The following KLF12 variants were observed in gnomAD, a reference collection of about 807,000 sequenced individuals.
The protein encoded by KLF12 is Krueppel-like factor 12.
A neutral mutation model predicts 37.8 loss-of-function variants in KLF12; 9 were observed. The ratio of observed to expected loss-of-function variants is 0.24; its 90% CI spans 0.14 to 0.42. KLF12 has a LOEUF of 0.42. KLF12 is among the 10% of genes least tolerant of loss of function. KLF12 has a pLI of 1.00. For missense variants in KLF12, 411 were observed against 516.0 expected (o/e 0.80, Z 1.97); for synonymous variants, 208 against 202.1 (o/e 1.03, Z -0.25).
Position 73,921,143 on chromosome 13 carries a change from A to G in KLF12, c.123+22838T>C, listed in dbSNP as rs772958447. 1.1e-3 allele frequency among the ~76,000 whole-genome samples: 166 copies of G among 152,156 alleles called. 1 individual carries two copies. The highest frequency in any genetic ancestry group is 2.2e-3 in the Non-Finnish European group (152 of 68,012). On this transcript the variant is annotated intron_variant, in intron 3 of 7. Transcript: ENST00000377669. ...ATTCACTCTTCCTCTAAAATTGCCT[A>G]CATCCCCCCACTTCCCTCCCTTCTA...
At chr13:73,920,281 A>G (rs1029421495) in intron 3 of KLF12, among the ~76,000 whole-genome samples, 1 of 152,322 alleles carries the variant, frequency 6.6e-6, no homozygotes, top group East Asian at 1.9e-4. Context: ...ACACATATGT[A>G]TAACTATGTA....
intron 3 of KLF12, among the ~76,000 whole-genome samples, chr13:73,877,420 G>T (rs1886764837): frequency 1.3e-5 from 2 of 152,124 alleles, no homozygotes; most frequent in Non-Finnish European, 1.5e-5. Context: ...TTAGCTGAAT[G>T]CTTTAGAATT....
chr13:74,207,928 A>T, the KLF12 span, among the ~76,000 whole-genome samples: 2 of 152,208 alleles, frequency 1.3e-5, no homozygotes, highest in African/African-American at 2.4e-5. Flanking sequence ...ACAAGTAATT[A>T]AGTGAATTGT....
intron 1 of KLF12, among the ~76,000 whole-genome samples, chr13:74,082,234 G>A (rs1874958532): frequency 6.6e-6 from 1 of 150,896 alleles, no homozygotes; most frequent in African/African-American, 2.4e-5. Context: ...TTGGGAGGCT[G>A]AGGCAAGAGG....
chr13:74,250,196 G>A, the KLF12 span, among the ~76,000 whole-genome samples: 10 of 152,138 alleles, frequency 6.6e-5, no homozygotes, highest in African/African-American at 2.2e-4. Context: ...AATTCAGGGT[G>A]GGAGTAGTTG....
At chr13:74,196,330 C>G in the KLF12 span, among the ~76,000 whole-genome samples, 2 of 152,128 alleles carry the variant, frequency 1.3e-5, no homozygotes, top group Non-Finnish European at 1.5e-5. Flanking sequence ...AGCAGGAGAT[C>G]AGAAGGAGGA....
chr13:73,994,213 A>G (rs1407084623), intron 2 of KLF12, among the ~76,000 whole-genome samples: 2 of 152,178 alleles, frequency 1.3e-5, no homozygotes, highest in Non-Finnish European at 2.9e-5. Flanking sequence ...TGGAAGCAGC[A>G]AGAGTAATAT....
chr13:74,154,276 A>C, the KLF12 span, among the ~76,000 whole-genome samples: 1 of 152,202 alleles, frequency 6.6e-6, no homozygotes, highest in African/African-American at 2.4e-5. Flanking sequence ...GCCTTGAAAA[A>C]GGTAAAAACT....
chr13:74,082,163 T>TAAAAAAA (rs57156299), intron 1 of KLF12, among the ~76,000 whole-genome samples: 1,527 of 114,598 alleles, frequency 0.013, 54 homozygotes, highest in African/African-American at 0.042. Context: ...CCCTGTCTCT[T>TAAAAAAA]AAAAAAAAAA....
intron 1 of KLF12, among the ~76,000 whole-genome samples, chr13:74,125,299 G>C (rs893420962): frequency 6.6e-6 from 1 of 151,938 alleles, no homozygotes; most frequent in Admixed American, 6.6e-5. Flanking sequence ...CAATTTCCCA[G>C]ATAGAAACAA....
intron 4 of KLF12, among the ~76,000 whole-genome samples, chr13:73,825,479 T>C (rs143556812): frequency 2.0e-4 from 31 of 152,374 alleles, no homozygotes; most frequent in African/African-American, 5.8e-4. Context: ...TAGTCTTCTC[T>C]GCTTTCCCAA....
rs775665936 is a variant in KLF12, at chr13:73,706,114, T to C, written c.1027+9254A>G. 7.7e-4 allele frequency among the ~76,000 whole-genome samples: 117 copies of C among 152,316 alleles called. 2 individuals carry two copies. The highest frequency in any genetic ancestry group is 1.8e-3 in the Admixed American group (28 of 15,300). On this transcript the variant is annotated intron_variant, in intron 7 of 7. Coordinates refer to ENST00000377669, the MANE Select transcript of KLF12 (RefSeq NM_007249.5). ...TTGCAGTGAGCCGAGATCGTGCCAC[T>C]GTACTCCTCTAGCCTGGCGACAGAG...
At chr13:74,146,945 T>C in the KLF12 span, among the ~76,000 whole-genome samples, 1 of 152,214 alleles carries the variant, frequency 6.6e-6, no homozygotes, top group African/African-American at 2.4e-5. Flanking sequence ...TACCCGATAC[T>C]GGTGGAGATA....
chr13:74,107,153 A>G lies in KLF12; in HGVS notation c.-32+26586T>C, dbSNP rs77824880. Among the ~76,000 whole-genome samples, 835 of 152,332 alleles carry G rather than the reference A, an allele frequency of 5.5e-3. 29 individuals are homozygous for G. In the East Asian group the frequency reaches 0.1, roughly 19 times the overall value. On this transcript the variant is annotated intron_variant, in intron 1 of 7. Transcript: ENST00000377669. ...CCTTGAATTATTTTATAAGGGCACT[A>G]ATCCCATTCACAAGGGTGGAGCACC...
chr13:73,855,679 G>A (rs915389901), intron 3 of KLF12, among the ~76,000 whole-genome samples: 1 of 152,072 alleles, frequency 6.6e-6, no homozygotes, highest in Non-Finnish European at 1.5e-5. Flanking sequence ...TGCTCTCCAC[G>A]GTGCTTGGAC....
At chr13:74,167,451 C>T in the KLF12 span, among the ~76,000 whole-genome samples, 1 of 152,220 alleles carries the variant, frequency 6.6e-6, no homozygotes, top group South Asian at 2.1e-4. Context: ...TAAACTGGAA[C>T]AGTTTGGTTC....
intron 3 of KLF12, among the ~76,000 whole-genome samples, chr13:73,921,032 A>G (rs906540982): frequency 8.5e-5 from 13 of 152,284 alleles, no homozygotes; most frequent in African/African-American, 3.1e-4. Flanking sequence ...GAAAGGAGAG[A>G]GAGCAGACAC....
At chr13:74,186,708 T>C in the KLF12 span, among the ~76,000 whole-genome samples, 2 of 152,208 alleles carry the variant, frequency 1.3e-5, no homozygotes, top group South Asian at 4.1e-4. Flanking sequence ...AACTACATTT[T>C]ACCTACATTT....
intron 4 of KLF12, among the ~76,000 whole-genome samples, chr13:73,838,360 A>G (rs982257573): frequency 6.6e-6 from 1 of 152,160 alleles, no homozygotes; most frequent in Non-Finnish European, 1.5e-5. Context: ...ATGCTATGAA[A>G]ATAACATATT....
Sources: gnomAD v4.1 joint callset for allele counts (sites outside exome capture counted in the v4.1 genomes callset) on GRCh38, gnomAD v4.1.1 for gene constraint, MANE v1.5 for transcripts, NCBI Gene and HGNC (gene_info 2026-07-23, HGNC 2026-07-21) for gene names.